The following CYRIB variants were observed in gnomAD, a reference collection of about 807,000 sequenced individuals.
CYRIB encodes the protein CYFIP related Rac1 interactor B.
In CYRIB, 8 loss-of-function variants were observed where a neutral mutation model predicts 44.2. The observed-to-expected ratio is 0.18, with a 90% CI of 0.11 to 0.33. The LOEUF (loss-of-function observed/expected upper bound fraction) is 0.33. CYRIB is among the 10% of genes least tolerant of loss of function. CYRIB has a pLI of 1.00. For missense variants in CYRIB, 185 were observed against 382.8 expected (o/e 0.48, Z 4.31); for synonymous variants, 131 against 127.2 (o/e 1.03, Z -0.20).
chr8:129,863,136 G>C (rs2050856859), intron 4 of CYRIB, among the ~76,000 whole-genome samples: 1 of 152,134 alleles, frequency 6.6e-6, no homozygotes, highest in African/African-American at 2.4e-5. Context: ...TCTGGGAACA[G>C]GCTAAGAAAT....
chr8:130,010,944 C>A (rs1177094954), intron 1 of CYRIB, among the ~76,000 whole-genome samples: 1 of 152,174 alleles, frequency 6.6e-6, no homozygotes, highest in Non-Finnish European at 1.5e-5. Context: ...ACCTCCGAGG[C>A]AATCCCCACG....
At chr8:129,989,791 C>G (rs2096579552) in intron 1 of CYRIB, among the ~76,000 whole-genome samples, 1 of 122,350 alleles carries the variant, frequency 8.2e-6, no homozygotes, top group African/African-American at 3.0e-5. Flanking sequence ...CTATCCCTCC[C>G]CCCTCCCCCC....
chr8:129,931,645 G>C (rs569511930), intron 1 of CYRIB, among the ~76,000 whole-genome samples: 7 of 151,058 alleles, frequency 4.6e-5, no homozygotes, highest in Non-Finnish European at 8.9e-5. Flanking sequence ...CTTTTTTTTT[G>C]AGACAGAGTC....
At chr8:129,847,827 A>G (rs2041023153) in intron 10 of CYRIB, among the ~76,000 whole-genome samples, 1 of 152,116 alleles carries the variant, frequency 6.6e-6, no homozygotes, top group Non-Finnish European at 1.5e-5. Flanking sequence ...TTTGAGATGG[A>G]GTCTCGCTCT....
At chr8:129,957,692 G>A (rs922158196) in intron 2 of CYRIB, among the ~76,000 whole-genome samples, 3 of 152,070 alleles carry the variant, frequency 2.0e-5, no homozygotes, top group South Asian at 2.1e-4. Context: ...ATTGGCCGGC[G>A]TGGTGGCACA....
intron 2 of CYRIB, among the ~76,000 whole-genome samples, chr8:129,881,486 G>A (rs1343581942): frequency 6.6e-6 from 1 of 152,126 alleles, no homozygotes; most frequent in Non-Finnish European, 1.5e-5. Context: ...CGTCACCTGT[G>A]GCATCCCCCT....
chr8:129,842,855 T>C (rs2037244051), intron 11 of CYRIB, among the ~76,000 whole-genome samples: 1 of 152,206 alleles, frequency 6.6e-6, no homozygotes, highest in Non-Finnish European at 1.5e-5. Flanking sequence ...GAAAAGTGTT[T>C]CAACCCCTTT....
chr8:129,967,819 G>A (rs963735767), intron 2 of CYRIB, among the ~76,000 whole-genome samples: 3 of 152,172 alleles, frequency 2.0e-5, no homozygotes, highest in Non-Finnish European at 2.9e-5. Flanking sequence ...CTAAGGATTG[G>A]AAGATGTCTG....
chr8:129,866,276 T>G (rs1432072416), intron 4 of CYRIB, among the ~76,000 whole-genome samples: 1 of 152,234 alleles, frequency 6.6e-6, no homozygotes, highest in Non-Finnish European at 1.5e-5. Flanking sequence ...ACGAGGCTAC[T>G]GTCTACCAGG....
intron 1 of CYRIB, among the ~76,000 whole-genome samples, chr8:129,986,924 G>A (rs1010864205): frequency 6.6e-6 from 1 of 152,128 alleles, no homozygotes; most frequent in African/African-American, 2.4e-5. Flanking sequence ...ATGCTCCAGG[G>A]GTGGCACATT....
intron 2 of CYRIB, among the ~76,000 whole-genome samples, chr8:129,963,841 A>C (rs1251171974): frequency 6.6e-6 from 1 of 152,232 alleles, no homozygotes; most frequent in Non-Finnish European, 1.5e-5. Context: ...ACGCTCTTAA[A>C]TACTACCCAG....
intron 2 of CYRIB, among the ~76,000 whole-genome samples, chr8:129,900,889 G>A (rs2071326233): frequency 6.6e-6 from 1 of 152,204 alleles, no homozygotes; most frequent in African/African-American, 2.4e-5. Context: ...GGCCAGGCTG[G>A]TCTTGAACTC....
At chr8:129,982,061 C>T (rs2096260433) in intron 1 of CYRIB, among the ~76,000 whole-genome samples, 1 of 152,188 alleles carries the variant, frequency 6.6e-6, no homozygotes, top group African/African-American at 2.4e-5. Context: ...TCAACTTGTC[C>T]CCATTGGCCA....
At chr8:129,855,851 C>G in intron 5 of CYRIB, 104 bp from the exon 8 acceptor site, 1 of 1,075,714 alleles carries the variant, frequency 9.3e-7, no homozygotes, top group Non-Finnish European at 1.3e-6. Context: ...GAAAAGTTCT[C>G]TTTAAAAAAC....
chr8:129,857,094 C>T (rs1192229304), intron 5 of CYRIB, among the ~76,000 whole-genome samples: 1 of 152,172 alleles, frequency 6.6e-6, no homozygotes, highest in Non-Finnish European at 1.5e-5. Context: ...CTCTAAATGA[C>T]AGCTATTATC....
chr8:129,996,986 C>T (rs2096782182), intron 1 of CYRIB, among the ~76,000 whole-genome samples: 1 of 149,670 alleles, frequency 6.7e-6, no homozygotes, highest in African/African-American at 2.5e-5. Context: ...AAATCACTGC[C>T]CTCTAAGATA....
intron 1 of CYRIB, among the ~76,000 whole-genome samples, chr8:129,977,378 T>C (rs1335862063): frequency 1.3e-5 from 2 of 152,206 alleles, no homozygotes; most frequent in African/African-American, 2.4e-5. Flanking sequence ...AAGTCTGCCA[T>C]GTCATGTTTT....
chr8:129,911,964 C>T (rs2078271397), intron 1 of CYRIB, among the ~76,000 whole-genome samples: 1 of 152,000 alleles, frequency 6.6e-6, no homozygotes, highest in African/African-American at 2.4e-5. Context: ...ATCGTGCTAA[C>T]CTAAAGATTC....
intron 4 of CYRIB, among the ~76,000 whole-genome samples, chr8:129,869,828 T>G (rs2056204144): frequency 6.6e-6 from 1 of 152,146 alleles, no homozygotes; most frequent in African/African-American, 2.4e-5. Flanking sequence ...CAGGTTTACC[T>G]TCCTCAAGCT....
Sources: allele counts gnomAD v4.1 joint callset (sites outside exome capture counted in the v4.1 genomes callset), GRCh38; gene constraint gnomAD v4.1.1; transcripts MANE v1.5; gene names NCBI Gene and HGNC (gene_info 2026-07-23, HGNC 2026-07-21).